The following TMEM209 variants were observed in gnomAD, a reference collection of about 807,000 sequenced individuals.
The protein encoded by TMEM209 is transmembrane protein 209, also known as testicular tissue protein Li 202.
TMEM209 carries 65 observed loss-of-function variants against 76.2 expected under a neutral mutation model. The ratio of observed to expected loss-of-function variants is 0.85; its 90% confidence interval spans 0.70 to 1.05. The LOEUF (loss-of-function observed/expected upper bound fraction) is 1.05. Among genes scored for constraint, TMEM209 ranks in the 50% least tolerant of loss-of-function variants. The pLI, the probability that TMEM209 is intolerant of heterozygous loss-of-function variation, is 0.00. For synonymous variants in TMEM209, 239 were observed against 237.6 expected, an observed-to-expected ratio of 1.01 and a Z score of -0.06; for missense variants, 623 against 685.5, an observed-to-expected ratio of 0.91 and a Z score of 1.02.
intron 1 of TMEM209, among the ~76,000 whole-genome samples, chr7:130,204,394 T>C (rs1248769037): frequency 1.3e-5 from 2 of 152,332 alleles, no homozygotes; most frequent in East Asian, 1.9e-4. Flanking sequence ...CAGGCTAGAA[T>C]GCAGTGGCGC....
chr7:130,169,894 T>C (rs911655893), intron 14 of TMEM209, among the ~76,000 whole-genome samples: 3 of 152,150 alleles, frequency 2.0e-5, no homozygotes, highest in African/African-American at 7.2e-5. Flanking sequence ...TTTCTAATCA[T>C]CAAAATGACA....
At position 130,204,193 on chromosome 7, in the gene TMEM209, G is replaced by C. The variant is rs181880597; in HGVS notation, c.4-83C>G. On this transcript the variant is annotated intron_variant, in intron 1 of 14. Coordinates refer to ENST00000397622, the MANE Select transcript of TMEM209 (RefSeq NM_032842.4). ...AACCAAATTTTGCATCCCTTATAAA[G>C]GTAACTGAAACCGCATATACCTTCT... 1.1e-4 allele frequency: 165 copies of C among 1,446,522 alleles called. 1 individual carries two copies. In the East Asian group the frequency reaches 2.6e-3, roughly 23 times the overall value. The allele number at this position is 1,446,522 out of a possible 1,614,324, so 89.6% of individuals were successfully genotyped here.
At position 130,204,025 on chromosome 7, in the gene TMEM209, A is replaced by G; in HGVS notation, c.89T>C (p.Leu30Ser). The part of the protein sequence containing the change: ...RKETEARKVV[L>S]AWGLLNVSMA... Reference sequence around the variant, plus strand: ...AGATACATTTAGGAGTCCCCAGGCTAAGACCACTTTCCTAGCCTCTGTTTC... The same window carrying G: ...AGATACATTTAGGAGTCCCCAGGCTGAGACCACTTTCCTAGCCTCTGTTTC... The change falls in exon 2 of 15, where the codon TTA becomes TCA. Residue 30 changes from leucine (L) to serine (S), a missense_variant. Coordinates refer to ENST00000397622, the MANE Select transcript of TMEM209 (RefSeq NM_032842.4). 6.2e-7 allele frequency: 1 copy of G among 1,613,786 alleles called. No homozygotes were observed. The highest frequency in any genetic ancestry group is 2.2e-5 in the East Asian group (1 of 44,874).
intron 13 of TMEM209, among the ~76,000 whole-genome samples, chr7:130,170,830 A>ATT (rs1283185907): frequency 5.6e-5 from 8 of 142,398 alleles, no homozygotes; most frequent in Non-Finnish European, 7.7e-5. Context: ...TGAGGGAAAG[A>ATT]TTTTTTTTTT....
At chr7:130,170,743 G>A (rs1398106263) in intron 13 of TMEM209, among the ~76,000 whole-genome samples, 1 of 152,144 alleles carries the variant, frequency 6.6e-6, no homozygotes, top group Non-Finnish European at 1.5e-5. Context: ...TGTGAGGAAT[G>A]CTATGAGAGG....
At chr7:130,170,859 C>T (rs1250636255) in intron 13 of TMEM209, among the ~76,000 whole-genome samples, 4 of 149,474 alleles carry the variant, frequency 2.7e-5, no homozygotes, top group South Asian at 2.1e-4. Flanking sequence ...GATGGAGTCT[C>T]GCTGTGTCGT....
In TMEM209 at chr7:130,192,833, A is replaced by C; in HGVS notation, c.574-10T>G. 1 of 1,609,326 alleles carries C rather than the reference A, an allele frequency of 6.2e-7. No homozygotes were observed. The highest frequency in any genetic ancestry group is 1.1e-5 in the South Asian group (1 of 90,644). Reference sequence around the variant, plus strand: ...GGCTAAAGCTCGCCAACTATACAAAATAAAAGATCTTTACTTTATTTTTCT... The same window carrying C: ...GGCTAAAGCTCGCCAACTATACAAACTAAAAGATCTTTACTTTATTTTTCT... On this transcript the variant is annotated splice_polypyrimidine_tract_variant and intron_variant, in intron 5 of 14. Transcript: ENST00000397622.
chr7:130,169,662 G>A (rs77385820), intron 14 of TMEM209, among the ~76,000 whole-genome samples: 2,259 of 152,140 alleles, frequency 0.015, 46 homozygotes, highest in African/African-American at 0.052. Context: ...CAAACAGGAT[G>A]CTATCTAAAA....
intron 1 of TMEM209, 169 bp downstream of exon 1, chr7:130,205,204 G>C: frequency 1.9e-6 from 3 of 1,553,578 alleles, no homozygotes; most frequent in Non-Finnish European, 2.6e-6. Context: ...CCGGCTCCTG[G>C]GCACGAACTT....
intron 8 of TMEM209, 44 bp from the exon 9 acceptor site, chr7:130,181,763 T>C (rs1797422281): frequency 6.7e-7 from 1 of 1,483,388 alleles, no homozygotes; most frequent in South Asian, 1.2e-5. Flanking sequence ...AATTCCCAAG[T>C]AGCTGTCAAA....
At chr7:130,203,562 C>A (rs1994466) in intron 3 of TMEM209, among the ~76,000 whole-genome samples, 1 of 152,004 alleles carries the variant, frequency 6.6e-6, no homozygotes, top group Non-Finnish European at 1.5e-5. Context: ...TTTTTCTTCA[C>A]AGAACTCATA....
chr7:130,168,868 A>G (rs1796959841), intron 14 of TMEM209, among the ~76,000 whole-genome samples: 1 of 152,232 alleles, frequency 6.6e-6, no homozygotes, highest in South Asian at 2.1e-4. Context: ...TAATTTAAAA[A>G]TAAAAAACCC....
chr7:130,200,118 T>C (rs901879761), intron 5 of TMEM209, among the ~76,000 whole-genome samples: 1 of 152,034 alleles, frequency 6.6e-6, no homozygotes, highest in African/African-American at 2.4e-5. Flanking sequence ...GATAAACAGA[T>C]AGGACTATTA....
chr7:130,167,988 C>T (rs951116428), intron 14 of TMEM209, among the ~76,000 whole-genome samples: 6 of 152,240 alleles, frequency 3.9e-5, no homozygotes, highest in African/African-American at 1.4e-4. Context: ...ATATAAGTTG[C>T]TCATTAAGAG....
chr7:130,202,232 T>C (rs928178257), intron 4 of TMEM209, 141 bp from the exon 5 acceptor site: 19 of 1,216,178 alleles, frequency 1.6e-5, no homozygotes, highest in East Asian at 5.1e-5. Flanking sequence ...AATGTATTAT[T>C]ACCAAAGGAC....
chr7:130,175,642 A>T (rs765711678), intron 10 of TMEM209, 33 bp from the exon 11 acceptor site: 5 of 1,528,802 alleles, frequency 3.3e-6, no homozygotes, highest in Non-Finnish European at 4.4e-6. Flanking sequence ...TTAAAAGCTA[A>T]GAGTATGCAA....
chr7:130,203,889 C>A (rs1382852328), intron 2 of TMEM209, 43 bp from the exon 3 acceptor site: 3 of 1,589,744 alleles, frequency 1.9e-6, no homozygotes, highest in South Asian at 2.3e-5. Context: ...CCTAAAAACA[C>A]CAAAAATCAA....
At chr7:130,202,694 G>C (rs533331615) in intron 3 of TMEM209, 31 bp from the exon 4 acceptor site, 1 of 1,598,578 alleles carries the variant, frequency 6.3e-7, no homozygotes. Flanking sequence ...TTTAATAAGG[G>C]GGGTGAGGAG....
chr7:130,204,089 T>A lies in TMEM209; in HGVS notation c.25A>T (p.Ser9Cys). 6.2e-7 allele frequency: 1 copy of A among 1,612,008 alleles called. No individual in the cohort carries two copies. Among genetic ancestry groups the A allele is most frequent in the Non-Finnish European group, 8.5e-7 (1 of 1,179,078 alleles). Residue 9 changes from serine (S) to cysteine (C), a missense_variant, in exon 2 of 15, where the codon AGT becomes TGT. By Grantham distance (112) the Ser-to-Cys change is moderately radical. Coordinates refer to ENST00000397622, the MANE Select transcript of TMEM209 (RefSeq NM_032842.4). The part of the protein sequence containing the change: MMQGEAHP[S>C]ASLIDRTIKM... ...ATGGTTCTGTCAATAAGGGAAGCAC[T>A]AGGGTGTGCCTCCCCCTGCATCTAT...
Sources: gnomAD v4.1 joint callset for allele counts (sites outside exome capture counted in the v4.1 genomes callset) on GRCh38, gnomAD v4.1.1 for gene constraint, MANE v1.5 for transcripts, NCBI Gene and HGNC (gene_info 2026-07-23, HGNC 2026-07-21) for gene names.